Variants in MYRIP observed in about 807,000 individuals in gnomAD.
MYRIP encodes rab effector MyRIP.
A neutral mutation model predicts 98.0 loss-of-function variants in MYRIP; 49 were observed. That is an observed-to-expected ratio of 0.50 (90% CI 0.40 to 0.63). The LOEUF is 0.63. Among genes scored for constraint, MYRIP ranks in the 30% least tolerant of loss-of-function variants. The pLI is 0.00. For missense variants in MYRIP, 1,004 were observed against 1,058.2 expected (o/e 0.95, Z 0.71); for synonymous variants, 404 against 409.5 (o/e 0.99, Z 0.16).
chr3:40,082,211 A>G (rs1249989723), intron 3 of MYRIP, among the ~76,000 whole-genome samples: 1 of 152,254 alleles, frequency 6.6e-6, no homozygotes. Flanking sequence ...AACTAAAAAT[A>G]GAACTACCAT....
intron 3 of MYRIP, among the ~76,000 whole-genome samples, chr3:40,148,085 C>G (rs1458094870): frequency 6.6e-6 from 1 of 152,154 alleles, no homozygotes; most frequent in Non-Finnish European, 1.5e-5. Flanking sequence ...GCCATTTATT[C>G]TTAGAAAATC....
intron 1 of MYRIP, among the ~76,000 whole-genome samples, chr3:39,831,957 G>A (rs890926836): frequency 6.6e-6 from 1 of 152,198 alleles, no homozygotes; most frequent in African/African-American, 2.4e-5. Flanking sequence ...CCAAGTTAAA[G>A]GAAGAAGTTA....
chr3:40,086,731 G>A (rs998162754), intron 3 of MYRIP, among the ~76,000 whole-genome samples: 2 of 152,158 alleles, frequency 1.3e-5, no homozygotes, highest in African/African-American at 2.4e-5. Flanking sequence ...GCTGGTTCAG[G>A]GAGATGCTGG....
At chr3:39,963,291 T>G (rs1192586023) in intron 2 of MYRIP, among the ~76,000 whole-genome samples, 8 of 152,162 alleles carry the variant, frequency 5.3e-5, no homozygotes, top group African/African-American at 1.9e-4. Context: ...GGGGGAATAT[T>G]TGATGGTGTG....
chr3:39,952,884 A>T (rs577334989), intron 2 of MYRIP, among the ~76,000 whole-genome samples: 1 of 152,266 alleles, frequency 6.6e-6, no homozygotes, highest in South Asian at 2.1e-4. Context: ...ACATATGTAC[A>T]GCCTCCCAGA....
chr3:40,182,182 C>T, intron 8 of MYRIP, 38 bp from the exon 9 acceptor site: 4 of 1,569,460 alleles, frequency 2.5e-6, no homozygotes, highest in South Asian at 2.4e-5. Flanking sequence ...GGCACTGTAC[C>T]TTATGAGCTC....
intron 3 of MYRIP, among the ~76,000 whole-genome samples, chr3:40,046,010 G>A (rs1947661768): frequency 6.6e-6 from 1 of 152,168 alleles, no homozygotes; most frequent in Non-Finnish European, 1.5e-5. Flanking sequence ...AGATGAATTT[G>A]TGATTTCTAA....
chr3:39,866,957 A>G (rs1942645985), intron 1 of MYRIP, among the ~76,000 whole-genome samples: 1 of 152,200 alleles, frequency 6.6e-6, no homozygotes, highest in African/African-American at 2.4e-5. Flanking sequence ...ATCCAACAGT[A>G]TAGTACTGAC....
At chr3:39,969,705 G>A (rs1019538733) in intron 2 of MYRIP, among the ~76,000 whole-genome samples, 4 of 152,084 alleles carry the variant, frequency 2.6e-5, no homozygotes, top group South Asian at 2.1e-4. Context: ...TTTTTGTTAC[G>A]CTGCTGGATT....
intron 2 of MYRIP, among the ~76,000 whole-genome samples, chr3:39,912,814 C>A (rs1044063901): frequency 6.6e-6 from 1 of 152,164 alleles, no homozygotes; most frequent in Non-Finnish European, 1.5e-5. Context: ...CTGAGGCAGG[C>A]AGATCACCTG....
At chr3:39,817,317 C>A (rs1056305946) in intron 1 of MYRIP, among the ~76,000 whole-genome samples, 5 of 152,082 alleles carry the variant, frequency 3.3e-5, no homozygotes, top group South Asian at 2.1e-4. Flanking sequence ...CTTTTGATGC[C>A]CATCCTCAAA....
chr3:40,219,598 C>T (rs1378488416), intron 11 of MYRIP, among the ~76,000 whole-genome samples: 1 of 151,712 alleles, frequency 6.6e-6, no homozygotes, highest in Non-Finnish European at 1.5e-5. Context: ...GGTTTTTTGT[C>T]CTTGCGATAG....
intron 2 of MYRIP, among the ~76,000 whole-genome samples, chr3:40,000,537 C>G (rs1946494977): frequency 6.6e-6 from 1 of 152,202 alleles, no homozygotes; most frequent in Admixed American, 6.5e-5. Flanking sequence ...CTGTACATCT[C>G]TTGAAATGCC....
chr3:40,012,710 A>G (rs1946787330), intron 2 of MYRIP, among the ~76,000 whole-genome samples: 1 of 152,190 alleles, frequency 6.6e-6, no homozygotes, highest in African/African-American at 2.4e-5. Context: ...CCTGCCTCAT[A>G]GAGTAAGCTA....
At chr3:40,029,843 T>C (rs753607855) in intron 2 of MYRIP, among the ~76,000 whole-genome samples, 1 of 152,118 alleles carries the variant, frequency 6.6e-6, no homozygotes, top group Non-Finnish European at 1.5e-5. Flanking sequence ...GAAGATTACT[T>C]GAAGCTAGGA....
chr3:40,009,484 C>T (rs933849531), intron 2 of MYRIP, among the ~76,000 whole-genome samples: 2 of 152,110 alleles, frequency 1.3e-5, no homozygotes, highest in Admixed American at 1.3e-4. Context: ...GATCCGCCCG[C>T]CTCGGCCTCG....
At chr3:39,818,639 T>C (rs942930427) in intron 1 of MYRIP, among the ~76,000 whole-genome samples, 1 of 152,216 alleles carries the variant, frequency 6.6e-6, no homozygotes, top group African/African-American at 2.4e-5. Flanking sequence ...GATAGACTTT[T>C]GATTGTTTCT....
intron 2 of MYRIP, among the ~76,000 whole-genome samples, chr3:39,945,860 T>G (rs1417190229): frequency 6.6e-6 from 1 of 152,134 alleles, no homozygotes; most frequent in Non-Finnish European, 1.5e-5. Flanking sequence ...AAAGTACTAA[T>G]ATTCTGAGTA....
At chr3:39,829,643 A>G (rs1177313227) in intron 1 of MYRIP, among the ~76,000 whole-genome samples, 1 of 152,142 alleles carries the variant, frequency 6.6e-6, no homozygotes, top group Non-Finnish European at 1.5e-5. Flanking sequence ...GTCCTGGCTC[A>G]ATGGGGTTGG....
Sources: allele counts gnomAD v4.1 joint callset (sites outside exome capture counted in the v4.1 genomes callset), GRCh38; gene constraint gnomAD v4.1.1; transcripts MANE v1.5; gene names NCBI Gene and HGNC (gene_info 2026-07-23, HGNC 2026-07-21).